Variants in PMPCB observed in about 807,000 individuals in gnomAD.
The protein encoded by PMPCB is mitochondrial-processing peptidase subunit beta.
In PMPCB, 46 loss-of-function variants were observed where a neutral mutation model predicts 61.5. That is an observed-to-expected ratio of 0.75 (90% CI 0.59 to 0.96). PMPCB has a LOEUF of 0.96. Among genes scored for constraint, PMPCB ranks in the 40% least tolerant of loss-of-function variants. PMPCB has a pLI of 0.00. For synonymous variants in PMPCB, 191 were observed against 201.6 expected (o/e 0.95, Z 0.44); for missense variants, 590 against 602.4 (o/e 0.98, Z 0.22).
exon 13 of PMPCB, chr7:103,329,051 A>C (rs138274059): frequency 2.5e-6 from 3 of 1,177,380 alleles, no homozygotes; most frequent in South Asian, 2.9e-5. Context: ...CAGTACGTCT[A>C]ATTATTTAAA....
At chr7:103,326,958 G>T (rs2115941210) in intron 12 of PMPCB, among the ~76,000 whole-genome samples, 1 of 152,108 alleles carries the variant, frequency 6.6e-6, no homozygotes, top group East Asian at 1.9e-4. Flanking sequence ...TGGGGAAAAA[G>T]AAATAGCTAG....
intron 7 of PMPCB, among the ~76,000 whole-genome samples, chr7:103,308,489 G>A (rs1186630601): frequency 6.6e-6 from 1 of 152,140 alleles, no homozygotes; most frequent in African/African-American, 2.4e-5. Context: ...GGGCGTGGTG[G>A]TGCATGCCTG....
At chr7:103,315,991 G>A (rs1309955899), downstream of PMPCB, 2 of 1,590,740 alleles carry the variant, frequency 1.3e-6, no homozygotes, top group Non-Finnish European at 1.7e-6. Flanking sequence ...AACTCACCAA[G>A]TTTTTGGAGA....
At chr7:103,332,265 A>C (rs776451649), downstream of PMPCB, among the ~76,000 whole-genome samples, 1 of 152,198 alleles carries the variant, frequency 6.6e-6, no homozygotes, top group Non-Finnish European at 1.5e-5. Flanking sequence ...TTGGCCTCCC[A>C]AAGTGCTCGG....
intron 8 of PMPCB, among the ~76,000 whole-genome samples, chr7:103,309,728 G>A (rs1045250924): frequency 2.6e-5 from 4 of 152,128 alleles, no homozygotes; most frequent in African/African-American, 9.7e-5. Context: ...TAATTTCCTT[G>A]TTTTTCACAA....
chr7:103,312,633 TCGA>T lies in PMPCB; in HGVS notation c.*364_*366del. The T allele has an allele frequency of 6.2e-7, 1 of 1,613,306 alleles. No homozygotes were observed. Among genetic ancestry groups the T allele is most frequent in the Non-Finnish European group, 8.5e-7 (1 of 1,179,764 alleles). On this transcript the variant is annotated 3_prime_UTR_variant, in exon 13 of 13. Transcript: ENST00000249269. ...AGCAGCTTTCTTTGCTTTTACCATC[TCGA>T]CAAGTTCCTAGGAAGGGAGAAAGGT...
chr7:103,313,161 G>A lies in PMPCB; in HGVS notation c.*890G>A. 2 of 1,512,782 alleles carry A rather than the reference G, an allele frequency of 1.3e-6. No homozygotes were observed. The highest frequency in any genetic ancestry group is 1.9e-4 in the Middle Eastern group (1 of 5,362). 93.7% of individuals were successfully genotyped at this position (1,512,782 alleles called of 1,614,324 possible). A position where few individuals can be genotyped will look rare whatever the true frequency, so the allele number is the denominator to read the frequency against. On this transcript the variant is annotated 3_prime_UTR_variant, in exon 13 of 13. Transcript: ENST00000249269. ...TTGAACATGTTCTCAGACAAGTCTTGTGGTCCACAAGTATTCGCTAAGTGC... is the reference window on the plus strand; with the variant it reads ...TTGAACATGTTCTCAGACAAGTCTTATGGTCCACAAGTATTCGCTAAGTGC...
At chr7:103,322,859 AT>A in intron 12 of PMPCB, 2 of 1,204,654 alleles carry the variant, frequency 1.7e-6, no homozygotes, top group Non-Finnish European at 2.4e-6. Flanking sequence ...AAAATGCAAT[AT>A]TTTATAAAAT....
intron 6 of PMPCB, among the ~76,000 whole-genome samples, chr7:103,306,665 G>A (rs1259843945): frequency 1.3e-5 from 2 of 152,194 alleles, no homozygotes; most frequent in South Asian, 2.1e-4. Context: ...GATTACAGGC[G>A]TGAGCCACCA....
downstream of PMPCB, among the ~76,000 whole-genome samples, chr7:103,318,978 A>G (rs1818228533): frequency 6.6e-6 from 1 of 152,048 alleles, no homozygotes; most frequent in Admixed American, 6.6e-5. Context: ...TTGGGAGGCC[A>G]ATGCGGACGG....
At chr7:103,331,191 C>G (rs956339421), downstream of PMPCB, among the ~76,000 whole-genome samples, 2 of 152,158 alleles carry the variant, frequency 1.3e-5, no homozygotes, top group Non-Finnish European at 2.9e-5. Context: ...CTCCTGACCT[C>G]AAGTGATCCG....
At chr7:103,311,556 G>C (rs1817752540) in intron 9 of PMPCB, 87 bp from the exon 10 acceptor site, 3 of 857,394 alleles carry the variant, frequency 3.5e-6, no homozygotes, top group Non-Finnish European at 5.7e-6. Flanking sequence ...TGTATGTTTT[G>C]TGTAGAAGAT....
the PMPCB span, among the ~76,000 whole-genome samples, chr7:103,345,435 A>G: frequency 6.6e-6 from 1 of 152,100 alleles, no homozygotes; most frequent in Admixed American, 6.5e-5. Flanking sequence ...AAAAGCAAAA[A>G]CTAGCAAAAA....
intron 8 of PMPCB, 109 bp downstream of exon 8, chr7:103,309,204 G>A (rs1029858367): frequency 1.3e-6 from 1 of 778,918 alleles, no homozygotes; most frequent in Non-Finnish European, 1.8e-6. Flanking sequence ...ATAGAGTCTT[G>A]TACTGTGAAT....
chr7:103,312,970 T>C lies in PMPCB; in HGVS notation c.*699T>C, dbSNP rs1817840747. The C allele has an allele frequency of 6.2e-7, 1 of 1,613,790 alleles. No homozygotes were observed. The highest frequency in any genetic ancestry group is 8.5e-7 in the Non-Finnish European group (1 of 1,179,908). On this transcript the variant is annotated 3_prime_UTR_variant, in exon 13 of 13. Coordinates refer to ENST00000249269, the MANE Select transcript of PMPCB (RefSeq NM_004279.3). ...ACCTTGTATCGTTTCATGCAGTCCT[T>C]CTTTGTCCTGCCAGGCACCGCTTCT...
chr7:103,298,860 T>G (rs1304089618), intron 2 of PMPCB, 152 bp downstream of exon 2: 2 of 692,642 alleles, frequency 2.9e-6, no homozygotes, highest in East Asian at 5.4e-5. Flanking sequence ...AACCTTTTCT[T>G]CCAGTGGTAC....
chr7:103,323,637 A>T (rs1302120393), intron 12 of PMPCB: 1 of 1,456,302 alleles, frequency 6.9e-7, no homozygotes, highest in Non-Finnish European at 9.4e-7. Context: ...TAAATAAGAA[A>T]ATTCTCTCCA....
At chr7:103,344,361 C>T in the PMPCB span, 67 of 604,164 alleles carry the variant, frequency 1.1e-4, no homozygotes, top group Middle Eastern at 8.6e-4. Flanking sequence ...AAAAGGAAGG[C>T]ACCCCTCACC....
Position 103,312,737 on chromosome 7 carries a change from T to C in PMPCB, c.*466T>C, listed in dbSNP as rs754593747. The C allele has an allele frequency of 2.1e-5, 33 of 1,564,168 alleles. No individual in the cohort carries two copies. The highest frequency in any genetic ancestry group is 2.4e-5 in the Non-Finnish European group (28 of 1,163,132). On this transcript the variant is annotated 3_prime_UTR_variant, in exon 13 of 13. Transcript: ENST00000249269. ...GTGTAAAGAATTCAAGCAACTAAGA[T>C]AGATAGTACTAAATATACTGATTTC...
Sources: gnomAD v4.1 joint callset for allele counts (sites outside exome capture counted in the v4.1 genomes callset) on GRCh38, gnomAD v4.1.1 for gene constraint, MANE v1.5 for transcripts, NCBI Gene and HGNC (gene_info 2026-07-23, HGNC 2026-07-21) for gene names.